The following ATL2 variants were observed in gnomAD, a reference collection of about 807,000 sequenced individuals.
ATL2 encodes the protein atlastin-2.
Under a neutral mutation model 73.9 loss-of-function variants are expected in ATL2, and 31 were observed. That is an observed-to-expected ratio of 0.42 (90% CI 0.32 to 0.57). The LOEUF is 0.57. ATL2 is among the 20% of genes least tolerant of loss of function. The pLI, the probability that ATL2 is intolerant of heterozygous loss-of-function variation, is 0.14. For missense variants in ATL2, 738 were observed against 702.6 expected (o/e 1.05, Z -0.57); for synonymous variants, 291 against 237.5 (o/e 1.23, Z -2.07).
intron 1 of ATL2, among the ~76,000 whole-genome samples, chr2:38,345,940 G>A (rs973816637): frequency 1.3e-5 from 2 of 152,174 alleles, no homozygotes; most frequent in Non-Finnish European, 2.9e-5. Flanking sequence ...TGTATGCTAC[G>A]CAGTAAGCAC....
chr2:38,309,626 T>C (rs961827319), intron 8 of ATL2, 120 bp from the exon 9 acceptor site: 1 of 1,017,628 alleles, frequency 9.8e-7, no homozygotes, highest in Non-Finnish European at 1.4e-6. Context: ...CTGAAGTGGA[T>C]TCATTTTTTA....
chr2:38,365,648 A>C (rs952722788), intron 1 of ATL2, among the ~76,000 whole-genome samples: 1 of 149,644 alleles, frequency 6.7e-6, no homozygotes, highest in African/African-American at 2.6e-5. Context: ...AAAATTAGCC[A>C]GGCGTGAGGG....
At chr2:38,346,225 G>A (rs1670008698) in intron 1 of ATL2, among the ~76,000 whole-genome samples, 1 of 152,014 alleles carries the variant, frequency 6.6e-6, no homozygotes, top group Non-Finnish European at 1.5e-5. Context: ...TAATATTCCT[G>A]CACTTGTCAC....
chr2:38,361,255 G>A (rs1462302874), intron 1 of ATL2, among the ~76,000 whole-genome samples: 1 of 150,932 alleles, frequency 6.6e-6, no homozygotes, highest in Admixed American at 6.6e-5. Context: ...TAGGGAGGCT[G>A]AGGCAGAAGA....
chr2:38,362,133 C>T (rs1671049636), intron 1 of ATL2, among the ~76,000 whole-genome samples: 2 of 152,006 alleles, frequency 1.3e-5, no homozygotes, highest in South Asian at 2.1e-4. Flanking sequence ...AAACTACAAG[C>T]GCAGAATAAG....
chr2:38,375,971 T>C (rs1671936064), intron 1 of ATL2: 2 of 1,032,458 alleles, frequency 1.9e-6, no homozygotes, highest in Non-Finnish European at 2.6e-6. Flanking sequence ...AACTTTCCTA[T>C]TAAAGTGAGT....
intron 2 of ATL2, among the ~76,000 whole-genome samples, chr2:38,327,540 C>CAAAAAAAAAAAAAAAAAAACAAAA (rs56332855): frequency 1.1e-5 from 1 of 89,964 alleles, no homozygotes; most frequent in Non-Finnish European, 2.4e-5. Context: ...AAAAAAAGTA[C>CAAAAAAAAAAAAAAAAAAACAAAA]AAAAAAAAAA....
chr2:38,328,298 A>T (rs1668782501), intron 2 of ATL2, among the ~76,000 whole-genome samples: 1 of 152,212 alleles, frequency 6.6e-6, no homozygotes, highest in Admixed American at 6.5e-5. Flanking sequence ...CCAATAACAT[A>T]GTCGAGCTGA....
chr2:38,371,911 C>T lies in ATL2; in HGVS notation c.118+5232G>A, dbSNP rs546805902. On this transcript the variant is annotated intron_variant, in intron 1 of 12. Coordinates refer to ENST00000378954, the MANE Select transcript of ATL2 (RefSeq NM_001135673.4). Reference sequence around the variant, plus strand: ...GGCTCTGTCTCAAAATAAATAAATACATAAAAATAAAACATCATAGACCTA... The same window carrying T: ...GGCTCTGTCTCAAAATAAATAAATATATAAAAATAAAACATCATAGACCTA... 7.2e-5 allele frequency among the ~76,000 whole-genome samples: 11 copies of T among 152,056 alleles called. No homozygotes were observed. In the South Asian group the frequency reaches 1.9e-3, roughly 26 times the overall value.
At chr2:38,339,053 T>C (rs1391788024) in intron 2 of ATL2, among the ~76,000 whole-genome samples, 1 of 151,886 alleles carries the variant, frequency 6.6e-6, no homozygotes, top group African/African-American at 2.4e-5. Flanking sequence ...CCATCTCTAT[T>C]GAAAATACAA....
chr2:38,349,351 T>G (rs1173458735), intron 1 of ATL2, among the ~76,000 whole-genome samples: 1 of 151,178 alleles, frequency 6.6e-6, no homozygotes, highest in South Asian at 2.1e-4. Context: ...CCATAAAAAA[T>G]GATGAGTTCA....
At chr2:38,352,407 T>C (rs80248101) in intron 1 of ATL2, among the ~76,000 whole-genome samples, 2,654 of 152,268 alleles carry the variant, frequency 0.017, 52 homozygotes, top group East Asian at 0.058. Flanking sequence ...GTGAGTGCCA[T>C]GATCACTCCC....
At chr2:38,335,724 T>C (rs1558424077) in intron 2 of ATL2, among the ~76,000 whole-genome samples, 2 of 152,302 alleles carry the variant, frequency 1.3e-5, no homozygotes, top group Middle Eastern at 3.4e-3. Flanking sequence ...ATACACTTTA[T>C]GTATGTAAGT....
chr2:38,327,537 G>GAAAAAAAAAAAAAAAAAAAAA (rs1668733383), intron 2 of ATL2, among the ~76,000 whole-genome samples: 1 of 71,932 alleles, frequency 1.4e-5, no homozygotes. Context: ...AAAAAAAAAA[G>GAAAAAAAAAAAAAAAAAAAAA]TACAAAAAAA....
intron 12 of ATL2, chr2:38,296,838 GTT>G: frequency 7.6e-7 from 1 of 1,317,958 alleles, no homozygotes; most frequent in South Asian, 1.6e-5. Context: ...CCATTTAATT[GTT>G]TTGTAATAAT....
At chr2:38,353,084 T>C (rs1382877281) in intron 1 of ATL2, among the ~76,000 whole-genome samples, 1 of 152,202 alleles carries the variant, frequency 6.6e-6, no homozygotes, top group Non-Finnish European at 1.5e-5. Context: ...GAAGGAAATG[T>C]AGCCCATAGT....
At chr2:38,303,430 G>T (rs1388364456) in intron 9 of ATL2, among the ~76,000 whole-genome samples, 1 of 151,872 alleles carries the variant, frequency 6.6e-6, no homozygotes, top group Non-Finnish European at 1.5e-5. Flanking sequence ...GGTCTCAAGT[G>T]ATCTGCCCAC....
At chr2:38,314,816 A>C in intron 5 of ATL2, 152 bp from the exon 6 acceptor site, 1 of 553,434 alleles carries the variant, frequency 1.8e-6, no homozygotes, top group Non-Finnish European at 3.2e-6. Context: ...GTATGTACAA[A>C]ATTTCTTCCA....
chr2:38,297,525 G>A (rs994362124), intron 12 of ATL2, among the ~76,000 whole-genome samples: 12 of 152,176 alleles, frequency 7.9e-5, no homozygotes, highest in African/African-American at 2.9e-4. Context: ...TCACAGCCTG[G>A]GGCTTTGAAT....
Sources: allele counts gnomAD v4.1 joint callset (sites outside exome capture counted in the v4.1 genomes callset), GRCh38; gene constraint gnomAD v4.1.1; transcripts MANE v1.5; gene names NCBI Gene and HGNC (gene_info 2026-07-23, HGNC 2026-07-21).